USP32: variants seen among roughly 807,000 people sequenced by gnomAD.
USP32 encodes ubiquitin carboxyl-terminal hydrolase 32.
Under a neutral mutation model 204.8 loss-of-function variants are expected in USP32, and 59 were observed. That is an observed-to-expected ratio of 0.29 (90% CI 0.23 to 0.36). USP32 has a LOEUF of 0.36. Ranked by LOEUF, USP32 falls within the 10% of genes least tolerant of loss-of-function variation. The pLI, the probability that USP32 is intolerant of heterozygous loss-of-function variation, is 1.00. For synonymous variants in USP32, 517 were observed against 678.4 expected (o/e 0.76, Z 3.70); for missense variants, 1,160 against 1,946.4 (o/e 0.60, Z 7.60).
At chr17:60,408,525 A>T (rs979351752) in intron 1 of USP32, among the ~76,000 whole-genome samples, 3 of 151,960 alleles carry the variant, frequency 2.0e-5, no homozygotes, top group Admixed American at 6.6e-5. Context: ...TTATAGGTGC[A>T]TGCCACCATG....
At chr17:60,246,399 G>A (rs1289292365) in intron 11 of USP32, among the ~76,000 whole-genome samples, 9 of 147,680 alleles carry the variant, frequency 6.1e-5, no homozygotes, top group African/African-American at 1.8e-4. Flanking sequence ...ATGTGTGTGT[G>A]TATATATATA....
chr17:60,248,913 C>T (rs1390254761), intron 11 of USP32: 1 of 152,130 alleles, frequency 6.6e-6, no homozygotes, highest in Non-Finnish European at 1.5e-5. Context: ...AAACTGAACA[C>T]ATTTGATACT....
intron 32 of USP32, 149 bp from the exon 33 acceptor site, chr17:60,180,786 CA>C: frequency 4.2e-6 from 3 of 711,378 alleles, no homozygotes; most frequent in Non-Finnish European, 4.4e-6. Flanking sequence ...TTTCTAAAAC[CA>C]AAATAAGCAA....
chr17:60,185,068 G>T (rs916602654), intron 30 of USP32, among the ~76,000 whole-genome samples: 2 of 152,170 alleles, frequency 1.3e-5, no homozygotes, highest in African/African-American at 2.4e-5. Context: ...ATGTGCAGTG[G>T]GTGTTGGGGG....
chr17:60,382,810 A>T (rs982634439), intron 1 of USP32, among the ~76,000 whole-genome samples: 1 of 152,198 alleles, frequency 6.6e-6, no homozygotes, highest in Admixed American at 6.5e-5. Flanking sequence ...TACATAACCA[A>T]AAGACATTCT....
At chr17:60,343,528 G>C (rs577465598) in intron 2 of USP32, among the ~76,000 whole-genome samples, 1 of 152,310 alleles carries the variant, frequency 6.6e-6, no homozygotes, top group East Asian at 1.9e-4. Context: ...CATGGAAATT[G>C]AACAACCTGC....
intron 2 of USP32, among the ~76,000 whole-genome samples, chr17:60,322,462 AATTT>A (rs1278602069): frequency 6.6e-6 from 1 of 152,230 alleles, no homozygotes; most frequent in African/African-American, 2.4e-5. Flanking sequence ...TCTTCACAAA[AATTT>A]ATTTATACAA....
chr17:60,373,877 GTTT>G (rs1174597677), intron 1 of USP32, among the ~76,000 whole-genome samples: 1 of 152,094 alleles, frequency 6.6e-6, no homozygotes, highest in African/African-American at 2.4e-5. Context: ...TATTTAAAAA[GTTT>G]TTACTATTCA....
At chr17:60,306,322 G>A (rs546098352) in intron 2 of USP32, among the ~76,000 whole-genome samples, 9 of 152,260 alleles carry the variant, frequency 5.9e-5, no homozygotes, top group Non-Finnish European at 7.4e-5. Context: ...TTTGTTGCAA[G>A]ACTTTTGTTT....
At chr17:60,306,551 T>C (rs2087728368) in intron 2 of USP32, among the ~76,000 whole-genome samples, 1 of 151,608 alleles carries the variant, frequency 6.6e-6, no homozygotes, top group African/African-American at 2.4e-5. Context: ...GGCAGGAGAA[T>C]CACTTGAACC....
chr17:60,331,328 G>A (rs2088377188), intron 2 of USP32, among the ~76,000 whole-genome samples: 1 of 152,208 alleles, frequency 6.6e-6, no homozygotes. Flanking sequence ...CACTTTGGGA[G>A]GCCAAGGCAG....
At chr17:60,219,429 C>T (rs1455709729) in intron 16 of USP32, 3 of 397,994 alleles carry the variant, frequency 7.5e-6, no homozygotes, top group East Asian at 1.2e-4. Context: ...ATGTTTGCTT[C>T]AACCCCTCAT....
chr17:60,375,659 A>C (rs1370476807), intron 1 of USP32, among the ~76,000 whole-genome samples: 2 of 152,178 alleles, frequency 1.3e-5, no homozygotes, highest in African/African-American at 4.8e-5. Context: ...GCTGGAGTGC[A>C]GTGGCACGAT....
chr17:60,339,063 C>T (rs936752803), intron 2 of USP32, among the ~76,000 whole-genome samples: 1 of 151,762 alleles, frequency 6.6e-6, no homozygotes, highest in Non-Finnish European at 1.5e-5. Context: ...GAGCCCGCCA[C>T]CACGCCCAGC....
chr17:60,373,702 C>T (rs887558001), intron 1 of USP32, among the ~76,000 whole-genome samples: 3 of 152,046 alleles, frequency 2.0e-5, no homozygotes, highest in South Asian at 2.1e-4. Context: ...CCACCCGCCT[C>T]GTCCTCCCAC....
chr17:60,351,778 T>C (rs1448540171), intron 1 of USP32, among the ~76,000 whole-genome samples: 2 of 152,160 alleles, frequency 1.3e-5, no homozygotes, highest in African/African-American at 4.8e-5. Flanking sequence ...GAGTAATACA[T>C]AGTCTCCATA....
chr17:60,408,775 C>A (rs2089997290), intron 1 of USP32, among the ~76,000 whole-genome samples: 1 of 152,140 alleles, frequency 6.6e-6, no homozygotes, highest in Admixed American at 6.6e-5. Context: ...CCAGATGAAG[C>A]AAGCATGCAA....
chr17:60,317,678 T>A (rs962371777), intron 2 of USP32, among the ~76,000 whole-genome samples: 4 of 151,958 alleles, frequency 2.6e-5, no homozygotes, highest in African/African-American at 9.7e-5. Context: ...TAGCTAGGTG[T>A]AGTGCCATGC....
At chr17:60,276,756 A>G (rs2086848943) in intron 5 of USP32, among the ~76,000 whole-genome samples, 1 of 152,156 alleles carries the variant, frequency 6.6e-6, no homozygotes, top group Admixed American at 6.5e-5. Flanking sequence ...TCTTTGCTGA[A>G]GCAGAAATGT....
Sources: gnomAD v4.1 joint callset for allele counts (sites outside exome capture counted in the v4.1 genomes callset) on GRCh38, gnomAD v4.1.1 for gene constraint, MANE v1.5 for transcripts, NCBI Gene and HGNC (gene_info 2026-07-23, HGNC 2026-07-21) for gene names.